Variants in KLK13 observed in about 807,000 individuals in gnomAD.
The protein encoded by KLK13 is kallikrein related peptidase 13.
KLK13 carries 19 observed loss-of-function variants against 22.4 expected under a neutral mutation model. That is an observed-to-expected ratio of 0.85 (90% confidence interval 0.59 to 1.24). The LOEUF is 1.24. KLK13 is among the 50% of genes most tolerant of loss of function. The pLI is 0.00. For missense variants in KLK13, 311 were observed against 347.9 expected (o/e 0.89, Z 0.84); for synonymous variants, 156 against 141.8 (o/e 1.10, Z -0.71).
At chr19:51,059,571 A>G in intron 3 of KLK13, 1 of 203,552 alleles carries the variant, frequency 4.9e-6, no homozygotes, top group Non-Finnish European at 9.3e-6. Flanking sequence ...AATACATAAT[A>G]TACATCATAT....
At chr19:51,063,575 A>G in intron 1 of KLK13, 1 of 439,356 alleles carries the variant, frequency 2.3e-6, no homozygotes, top group South Asian at 1.6e-5. Flanking sequence ...GAGTAATTAC[A>G]ATGCACCTAC....
At chr19:51,062,799 T>C (rs1252255766) in intron 1 of KLK13, among the ~76,000 whole-genome samples, 2 of 152,202 alleles carry the variant, frequency 1.3e-5, no homozygotes, top group Admixed American at 1.3e-4. Flanking sequence ...GCAGGTGGCA[T>C]GGAGAGCACT....
At chr19:51,063,868 T>C (rs1369101803) in intron 1 of KLK13, 3 of 459,098 alleles carry the variant, frequency 6.5e-6, no homozygotes, top group East Asian at 1.4e-4. Context: ...TCACCTCATG[T>C]CAAGATAATT....
chr19:51,058,397 TGACCTCC>T, intron 4 of KLK13, 134 bp downstream of exon 4: 1 of 983,478 alleles, frequency 1.0e-6, no homozygotes, highest in Non-Finnish European at 1.5e-6. Flanking sequence ...CTTTTTGTCT[TGACCTCC>T]TATGTGAGGG....
At chr19:51,064,349 G>T (rs1011597287) in intron 1 of KLK13, among the ~76,000 whole-genome samples, 1 of 151,838 alleles carries the variant, frequency 6.6e-6, no homozygotes, top group African/African-American at 2.4e-5. Context: ...TTAGTTGGGC[G>T]TGGTGGCGGG....
At chr19:51,056,840 G>T (rs544406205) in intron 4 of KLK13, 65 bp from the exon 5 acceptor site, 34 of 1,202,124 alleles carry the variant, frequency 2.8e-5, no homozygotes, top group Non-Finnish European at 4.0e-5. Context: ...GGCAGGGACA[G>T]GGAGGTGTGG....
intron 1 of KLK13, among the ~76,000 whole-genome samples, chr19:51,061,543 T>C (rs1017646337): frequency 2.0e-5 from 3 of 152,220 alleles, no homozygotes; most frequent in African/African-American, 7.2e-5. Context: ...TCTTTGCTTC[T>C]CTTCTTTCCT....
chr19:51,057,767 G>A (rs1442618717), intron 4 of KLK13, among the ~76,000 whole-genome samples: 1 of 152,114 alleles, frequency 6.6e-6, no homozygotes, highest in East Asian at 1.9e-4. Flanking sequence ...ATGAACTACT[G>A]TACTTGGCCA....
chr19:51,064,628 G>A (rs980522560), intron 1 of KLK13: 1 of 543,020 alleles, frequency 1.8e-6, no homozygotes, highest in Non-Finnish European at 3.6e-6. Context: ...GACCTTCTCT[G>A]GTAAGCACTT....
chr19:51,064,787 G>A, intron 1 of KLK13: 3 of 623,166 alleles, frequency 4.8e-6, no homozygotes, highest in South Asian at 1.8e-5. Context: ...AGGGGCTGCT[G>A]CGAGGGTATT....
chr19:51,064,219 C>T (rs779788927), intron 1 of KLK13, among the ~76,000 whole-genome samples: 10 of 152,080 alleles, frequency 6.6e-5, no homozygotes, highest in East Asian at 3.9e-4. Context: ...AGGCCGGGCT[C>T]GGTGGCTCAT....
chr19:51,061,040 T>G (rs1367479936), intron 1 of KLK13, among the ~76,000 whole-genome samples: 12 of 152,176 alleles, frequency 7.9e-5, no homozygotes, highest in Admixed American at 7.9e-4. Context: ...ATTCATCCTA[T>G]TGATTTGTCC....
chr19:51,057,192 A>G (rs951241407), intron 4 of KLK13, among the ~76,000 whole-genome samples: 1 of 152,198 alleles, frequency 6.6e-6, no homozygotes, highest in Non-Finnish European at 1.5e-5. Context: ...TGTGTCTCTC[A>G]CTATTGAGTG....
Position 51,059,818 on chromosome 19 carries a change from T to C in KLK13, c.508+7A>G, listed in dbSNP as rs1314289935. 1.3e-6 allele frequency: 2 copies of C among 1,595,844 alleles called. No homozygotes were observed. The highest frequency in any genetic ancestry group is 1.7e-6 in the Non-Finnish European group (2 of 1,170,420). ...TGGGGCCTCAGGCCACCTGTGTGGG[T>C]GCATACCCTGGGGGCTGGTGGTGGT... On this transcript the variant is annotated splice_region_variant and intron_variant, in intron 3 of 4. Transcript: ENST00000595793.
rs757291954 is a variant in KLK13, at chr19:51,056,727, C to T, written c.694G>A (p.Val232Ile). ...LVCNRTLYGI[V>I]SWGDFPCGQP... ...CCACATGGGAAGTCTCCCCAGGAGA[C>T]GATGCCATACAGTGTTCTGTTACAG... The change falls in exon 5 of 5, where the codon GTC becomes ATC. Residue 232 changes from valine (V) to isoleucine (I), a missense_variant. Val to Ile is a conservative substitution (Grantham distance 29, BLOSUM62 3). Coordinates refer to ENST00000595793, the MANE Select transcript of KLK13 (RefSeq NM_015596.3). 16 of 1,613,998 alleles carry T rather than the reference C, an allele frequency of 9.9e-6. No homozygotes were observed. Among genetic ancestry groups the T allele is most frequent in the South Asian group, 3.3e-5 (3 of 91,082 alleles).
At chr19:51,060,323 T>G in intron 2 of KLK13, 110 bp downstream of exon 2, 1 of 1,216,744 alleles carries the variant, frequency 8.2e-7, no homozygotes, top group South Asian at 1.5e-5. Flanking sequence ...CTCACTCCCA[T>G]GTCCATCCCC....
rs1486605303 is a variant in KLK13 at position 51,056,605 on chromosome 19, C to A, written c.816G>T (p.Trp272Cys). Residue 272 changes from tryptophan to cysteine, a missense_variant, in exon 5 of 5, where the codon TGG (tryptophan) becomes TGT (cysteine). Transcript: ENST00000595793. ...TCAACTTTTATTGTGGGCCCTTCAA[C>A]CATTTTTGCTGCTGGGTTTCATATT... Reference protein sequence around the residue: ...IRKYETQQQKWLKGPQ With the variant: ...IRKYETQQQKCLKGPQ 1 of 1,614,022 alleles carries A rather than the reference C, an allele frequency of 6.2e-7. No homozygotes were observed. Among genetic ancestry groups the A allele is most frequent in the African/African-American group, 1.3e-5 (1 of 74,902 alleles).
intron 4 of KLK13, among the ~76,000 whole-genome samples, chr19:51,057,622 C>T (rs2091687760): frequency 6.6e-6 from 1 of 152,026 alleles, no homozygotes; most frequent in African/African-American, 2.4e-5. Flanking sequence ...TGTACTCCAC[C>T]ACACCTGGCT....
chr19:51,056,022 AG>A lies in KLK13; in HGVS notation c.*564del, dbSNP rs1281834153. Among the ~76,000 whole-genome samples the A allele has an allele frequency of 6.6e-6, 1 of 152,154 alleles. No individual in the cohort carries two copies. The highest frequency in any genetic ancestry group is 6.5e-5 in the Admixed American group (1 of 15,272). On this transcript the variant is annotated 3_prime_UTR_variant, in exon 5 of 5. Coordinates refer to ENST00000595793, the MANE Select transcript of KLK13 (RefSeq NM_015596.3). Reference sequence around the variant, plus strand: ...AACAGTGTGAGAATGAAATATTCTGAGGATCCAATGTTAGCTGTGGTGAGTC... The same window carrying A: ...AACAGTGTGAGAATGAAATATTCTGAGATCCAATGTTAGCTGTGGTGAGTC...
Sources: allele counts gnomAD v4.1 joint callset (sites outside exome capture counted in the v4.1 genomes callset), GRCh38; gene constraint gnomAD v4.1.1; transcripts MANE v1.5; gene names NCBI Gene and HGNC (gene_info 2026-07-23, HGNC 2026-07-21).